GABRB1: variants seen among roughly 807,000 people sequenced by gnomAD.
GABRB1 encodes the protein gamma-aminobutyric acid receptor subunit beta-1.
In GABRB1, 17 loss-of-function variants were observed where a neutral mutation model predicts 51.6. The ratio of observed to expected loss-of-function variants is 0.33; its 90% confidence interval spans 0.23 to 0.49. The LOEUF is 0.49. GABRB1 is among the 20% of genes least tolerant of loss of function. GABRB1 has a pLI of 0.99. For synonymous variants in GABRB1, 247 were observed against 218.9 expected, an observed-to-expected ratio of 1.13 and a Z score of -1.14; for missense variants, 410 against 600.6, an observed-to-expected ratio of 0.68 and a Z score of 3.32.
At chr4:47,248,094 C>T (rs1484009919) in intron 4 of GABRB1, among the ~76,000 whole-genome samples, 1 of 151,956 alleles carries the variant, frequency 6.6e-6, no homozygotes, top group African/African-American at 2.4e-5. Context: ...TATTCCAGTT[C>T]TTAGAGGGAA....
intron 1 of GABRB1, among the ~76,000 whole-genome samples, chr4:47,023,357 C>T (rs972383899): frequency 1.3e-5 from 2 of 151,948 alleles, no homozygotes; most frequent in Non-Finnish European, 2.9e-5. Flanking sequence ...AAAGGATTAA[C>T]GCTTGAGGGG....
chr4:47,300,523 C>A (rs1042485081), intron 4 of GABRB1, among the ~76,000 whole-genome samples: 9 of 152,084 alleles, frequency 5.9e-5, no homozygotes, highest in African/African-American at 2.2e-4. Context: ...TTTATATTAG[C>A]ACTTATTTAT....
At chr4:47,005,872 GA>G in intron 1 of GABRB1, among the ~76,000 whole-genome samples, 1 of 142,710 alleles carries the variant, frequency 7.0e-6, no homozygotes, top group Admixed American at 7.4e-5. Context: ...AAACTTTCAG[GA>G]TTTTAATCTT....
At chr4:47,299,694 A>G (rs13140499) in intron 4 of GABRB1, among the ~76,000 whole-genome samples, 16 of 151,566 alleles carry the variant, frequency 1.1e-4, no homozygotes, top group Admixed American at 2.0e-4. Flanking sequence ...ATTCCTCAGG[A>G]ATCTAGAACT....
intron 4 of GABRB1, among the ~76,000 whole-genome samples, chr4:47,199,683 G>T (rs1224748142): frequency 6.6e-6 from 1 of 152,084 alleles, no homozygotes; most frequent in Non-Finnish European, 1.5e-5. Context: ...AGATGGGTAG[G>T]TGTATGTGGT....
chr4:47,038,102 C>T (rs1725675387), intron 3 of GABRB1, among the ~76,000 whole-genome samples: 1 of 152,018 alleles, frequency 6.6e-6, no homozygotes, highest in Admixed American at 6.6e-5. Context: ...TTTTAGACTC[C>T]CTCAAAATAA....
At chr4:47,262,447 T>A (rs1258142438) in intron 4 of GABRB1, among the ~76,000 whole-genome samples, 1 of 152,134 alleles carries the variant, frequency 6.6e-6, no homozygotes, top group Non-Finnish European at 1.5e-5. Context: ...GAAAAAATGC[T>A]CATCATCACT....
chr4:47,156,623 T>C (rs1441538575), intron 3 of GABRB1, among the ~76,000 whole-genome samples: 3 of 151,918 alleles, frequency 2.0e-5, no homozygotes, highest in African/African-American at 7.3e-5. Flanking sequence ...TTTAACATAA[T>C]TTTCTTATAC....
At chr4:47,196,558 C>T (rs1416485989) in intron 4 of GABRB1, among the ~76,000 whole-genome samples, 1 of 152,160 alleles carries the variant, frequency 6.6e-6, no homozygotes, top group African/African-American at 2.4e-5. Context: ...CCTCCCTGAA[C>T]AAGCATAGGA....
chr4:47,414,946 C>T (rs79881908), intron 8 of GABRB1, among the ~76,000 whole-genome samples: 1,659 of 152,260 alleles, frequency 0.011, 38 homozygotes, highest in African/African-American at 0.038. Context: ...GAAACTTTCA[C>T]CATCTATACC....
Position 47,425,721 on chromosome 4 carries a change from T to C in GABRB1, c.1128T>C (p.Asn376=). ...TCCTCAGCACCCTGGAAATCCGGAATGAGACGAGTGGCTCGGAAGTGCTCA... is the reference window on the plus strand; with the variant it reads ...TCCTCAGCACCCTGGAAATCCGGAACGAGACGAGTGGCTCGGAAGTGCTCA... ...NILLSTLEIR[N]ETSGSEVLTS... is the part of the protein sequence containing the mutation. The change falls in exon 9 of 9, where the codon AAT becomes AAC. Residue 376 remains asparagine (N), a synonymous_variant. Coordinates refer to ENST00000295454, the MANE Select transcript of GABRB1 (RefSeq NM_000812.4). 1.2e-6 allele frequency: 2 copies of C among 1,613,872 alleles called. No individual in the cohort carries two copies. Among genetic ancestry groups the C allele is most frequent in the Non-Finnish European group, 1.7e-6 (2 of 1,179,898 alleles).
At position 47,283,451 on chromosome 4, in the gene GABRB1, TCTCGGCTCA is replaced by T. The variant is rs1266024367; in HGVS notation, c.462-36673_462-36665del. On this transcript the variant is annotated intron_variant, in intron 4 of 8. Coordinates refer to ENST00000295454, the MANE Select transcript of GABRB1 (RefSeq NM_000812.4). ...CCGAAGCTGGAATGCAGCCACACGA[TCTCGGCTCA>T]CTGCAAGCTCCGCCTCCCAGGTTCA... Among the ~76,000 whole-genome samples, 8 of 129,888 alleles carry T rather than the reference TCTCGGCTCA, an allele frequency of 6.2e-5. No homozygotes were observed. In the South Asian group the frequency reaches 1.7e-3, roughly 27 times the overall value. 85.2% of individuals were successfully genotyped at this position (129,888 alleles called of 152,430 possible). A position where few individuals can be genotyped will look rare whatever the true frequency, so the allele number is the denominator to read the frequency against.
intron 8 of GABRB1, among the ~76,000 whole-genome samples, chr4:47,415,552 G>A (rs1237960246): frequency 1.3e-5 from 2 of 152,142 alleles, no homozygotes; most frequent in African/African-American, 4.8e-5. Flanking sequence ...CAGGAAGATG[G>A]AAAATGCTAA....
intron 3 of GABRB1, among the ~76,000 whole-genome samples, chr4:47,053,256 G>T (rs1341633255): frequency 6.6e-6 from 1 of 152,114 alleles, no homozygotes; most frequent in Non-Finnish European, 1.5e-5. Context: ...AATTATCATA[G>T]GCTCTGTGGC....
chr4:47,237,587 T>A (rs1345694198), intron 4 of GABRB1, among the ~76,000 whole-genome samples: 1 of 151,904 alleles, frequency 6.6e-6, no homozygotes, highest in African/African-American at 2.4e-5. Context: ...AGTTAATAAT[T>A]GCAAAAAAAT....
Position 47,256,635 on chromosome 4 carries a change from T to C in GABRB1, c.462-63492T>C, listed in dbSNP as rs564748639. Among the ~76,000 whole-genome samples, 5 of 152,260 alleles carry C rather than the reference T, an allele frequency of 3.3e-5. No homozygotes were observed. The South Asian group carries it at 1.0e-3, about 32-fold the overall frequency. On this transcript the variant is annotated intron_variant, in intron 4 of 8. Coordinates refer to ENST00000295454, the MANE Select transcript of GABRB1 (RefSeq NM_000812.4). The stretch of plus-strand genomic sequence containing the variant: ...GGAGGCCTCAGGAAACTTTCAATCA[T>C]GGTAGAAGGCAAAGGAGAAGCAGGC...
intron 4 of GABRB1, among the ~76,000 whole-genome samples, chr4:47,184,425 C>T (rs749092886): frequency 1.5e-4 from 23 of 151,890 alleles, no homozygotes; most frequent in East Asian, 3.9e-4. Context: ...AATGGAAGGA[C>T]GGGGAAATGA....
chr4:47,261,288 C>G (rs1381876632), intron 4 of GABRB1, among the ~76,000 whole-genome samples: 1 of 152,134 alleles, frequency 6.6e-6, no homozygotes, highest in African/African-American at 2.4e-5. Flanking sequence ...GATTGTATAT[C>G]TAGAAAACCC....
At chr4:47,131,088 G>A (rs1038492381) in intron 3 of GABRB1, among the ~76,000 whole-genome samples, 1 of 151,836 alleles carries the variant, frequency 6.6e-6, no homozygotes, top group African/African-American at 2.4e-5. Flanking sequence ...AGATTATATT[G>A]TTCCTACCCA....
Sources: allele counts gnomAD v4.1 joint callset (sites outside exome capture counted in the v4.1 genomes callset), GRCh38; gene constraint gnomAD v4.1.1; transcripts MANE v1.5; gene names NCBI Gene and HGNC (gene_info 2026-07-23, HGNC 2026-07-21).